Variants in CYRIB observed in about 807,000 individuals in gnomAD.
CYRIB encodes the protein CYFIP related Rac1 interactor B.
CYRIB carries 8 observed loss-of-function variants against 44.2 expected under a neutral mutation model. That is an observed-to-expected ratio of 0.18 (90% CI 0.11 to 0.33). The LOEUF (loss-of-function observed/expected upper bound fraction) is 0.33. Ranked by LOEUF, CYRIB falls within the 10% of genes least tolerant of loss-of-function variation. The pLI, the probability that CYRIB is intolerant of heterozygous loss-of-function variation, is 1.00. For missense variants in CYRIB, 185 were observed against 382.8 expected (o/e 0.48, Z 4.31); for synonymous variants, 131 against 127.2 (o/e 1.03, Z -0.20).
chr8:129,950,211 G>C (rs1316685217), intron 2 of CYRIB, among the ~76,000 whole-genome samples: 1 of 152,152 alleles, frequency 6.6e-6, no homozygotes, highest in Non-Finnish European at 1.5e-5. Flanking sequence ...TATGATAGAA[G>C]CTGACAGTCA....
At position 129,985,342 on chromosome 8, in the gene CYRIB, C is replaced by G. The variant is rs184952639; in HGVS notation, c.-295-14347G>C. ...GCCGGTCTTTCTCACGGCCTCTCCA[C>G]GCTCCATCCTGGCCCGGGAAAGCTC... On this transcript the variant is annotated intron_variant, in intron 1 of 14. Transcript: ENST00000401979. Among the ~76,000 whole-genome samples the G allele has an allele frequency of 4.6e-3, 697 of 152,266 alleles. 5 individuals are homozygous for G. Among genetic ancestry groups the G allele is most frequent in the African/African-American group, 0.016 (672 of 41,540 alleles).
At chr8:129,972,958 C>G (rs189767278) in intron 1 of CYRIB, among the ~76,000 whole-genome samples, 1 of 152,222 alleles carries the variant, frequency 6.6e-6, no homozygotes, top group African/African-American at 2.4e-5. Flanking sequence ...CTCATCCCTT[C>G]TCAGTCTTTC....
chr8:129,876,551 T>C (rs1012013285), intron 3 of CYRIB, among the ~76,000 whole-genome samples: 1 of 152,130 alleles, frequency 6.6e-6, no homozygotes, highest in Non-Finnish European at 1.5e-5. Flanking sequence ...ACAGGGGTCA[T>C]GAGAGGAGTA....
At chr8:129,891,267 G>A (rs1472305541) in intron 2 of CYRIB, among the ~76,000 whole-genome samples, 1 of 152,160 alleles carries the variant, frequency 6.6e-6, no homozygotes. Flanking sequence ...ATCTCTTTTG[G>A]CTCAGGTTTC....
chr8:129,877,973 T>G (rs969281497), intron 3 of CYRIB, among the ~76,000 whole-genome samples: 4 of 152,148 alleles, frequency 2.6e-5, no homozygotes, highest in Non-Finnish European at 4.4e-5. Flanking sequence ...ACAGCTCTAA[T>G]GTAAGTTGCC....
chr8:130,004,649 T>C (rs987783112), intron 1 of CYRIB: 15 of 152,024 alleles, frequency 9.9e-5, no homozygotes, highest in African/African-American at 3.6e-4. Context: ...TCGTATATTG[T>C]CTACTGCAGT....
At chr8:130,010,818 T>C (rs1405629641) in intron 1 of CYRIB, among the ~76,000 whole-genome samples, 3 of 152,126 alleles carry the variant, frequency 2.0e-5, no homozygotes, top group African/African-American at 4.8e-5. Context: ...GAGGGTCAGG[T>C]TGGATGATCT....
At chr8:129,841,354 C>A (rs529187603) in exon 12 of CYRIB, 1 of 152,060 alleles carries the variant, frequency 6.6e-6, no homozygotes, top group East Asian at 1.9e-4. Flanking sequence ...ATGAAAAGAC[C>A]CGGCTCTCCC....
At chr8:129,866,319 G>C (rs879929971) in intron 4 of CYRIB, among the ~76,000 whole-genome samples, 1 of 152,146 alleles carries the variant, frequency 6.6e-6, no homozygotes, top group Non-Finnish European at 1.5e-5. Flanking sequence ...TGCAGAAAAG[G>C]AATTGCACAA....
intron 1 of CYRIB, among the ~76,000 whole-genome samples, chr8:129,934,133 T>G (rs2092341126): frequency 6.6e-6 from 1 of 152,044 alleles, no homozygotes; most frequent in Non-Finnish European, 1.5e-5. Context: ...CCCCTTGGGG[T>G]TTTGAACGCT....
chr8:129,959,814 C>T (rs2095131007), intron 2 of CYRIB, among the ~76,000 whole-genome samples: 1 of 152,164 alleles, frequency 6.6e-6, no homozygotes, highest in Non-Finnish European at 1.5e-5. Flanking sequence ...TTTCCCACCA[C>T]AATTAATTGA....
chr8:129,943,109 T>A (rs1590763713), upstream of CYRIB, among the ~76,000 whole-genome samples: 2 of 65,180 alleles, frequency 3.1e-5, no homozygotes, highest in African/African-American at 2.7e-4. Context: ...CACTGTGTCC[T>A]AGGCATCAGG....
At position 129,913,174 on chromosome 8, in the gene CYRIB, T is replaced by C. The variant is rs1051283505; in HGVS notation, c.-49-9824A>G. On this transcript the variant is annotated intron_variant, in intron 1 of 11. Transcript: ENST00000519824. ...TTTTAGTAGAGACAGGGTTTCACCG[T>C]GTTAGCCAGGATGGTCTTGAACTTC... Among the ~76,000 whole-genome samples the C allele has an allele frequency of 2.6e-5, 4 of 152,074 alleles. No individual in the cohort carries two copies. In the South Asian group the frequency reaches 8.3e-4, roughly 32 times the overall value.
intron 11 of CYRIB, among the ~76,000 whole-genome samples, chr8:129,842,858 A>T (rs1223423724): frequency 6.6e-6 from 1 of 152,114 alleles, no homozygotes; most frequent in Non-Finnish European, 1.5e-5. Context: ...AAGTGTTTCA[A>T]CCCCTTTTCT....
intron 1 of CYRIB, among the ~76,000 whole-genome samples, chr8:129,918,384 T>C (rs2081839078): frequency 6.6e-6 from 1 of 152,208 alleles, no homozygotes; most frequent in African/African-American, 2.4e-5. Context: ...CTAGAATGCT[T>C]TTTACGTTTT....
chr8:129,848,750 T>G (rs2041737383), intron 10 of CYRIB, among the ~76,000 whole-genome samples: 1 of 151,708 alleles, frequency 6.6e-6, no homozygotes, highest in Admixed American at 6.6e-5. Context: ...TTTTTTTTTT[T>G]TGTAGAAATG....
At position 129,986,960 on chromosome 8, in the gene CYRIB, G is replaced by A. The variant is rs538803230; in HGVS notation, c.-295-15965C>T. Among the ~76,000 whole-genome samples, 5 of 152,258 alleles carry A rather than the reference G, an allele frequency of 3.3e-5. No homozygotes were observed. In the East Asian group the frequency reaches 5.8e-4, roughly 18 times the overall value. On this transcript the variant is annotated intron_variant, in intron 1 of 14. Transcript: ENST00000401979. ...ACCTAGAGGAGGACAGTCAAAGCAC[G>A]GAACCTCCAGAACCAATAGACGGCT...
At chr8:129,878,596 T>C (rs1377476228) in intron 3 of CYRIB, among the ~76,000 whole-genome samples, 1 of 152,132 alleles carries the variant, frequency 6.6e-6, no homozygotes, top group Non-Finnish European at 1.5e-5. Context: ...ATAGCATCAT[T>C]CACACTAAAA....
chr8:129,926,024 G>A (rs564953214), intron 1 of CYRIB, among the ~76,000 whole-genome samples: 2 of 152,018 alleles, frequency 1.3e-5, no homozygotes, highest in Non-Finnish European at 2.9e-5. Context: ...TAGAAGTCAC[G>A]ATCCATTTTC....
Sources: allele counts gnomAD v4.1 joint callset (sites outside exome capture counted in the v4.1 genomes callset), GRCh38; gene constraint gnomAD v4.1.1; transcripts MANE v1.5; gene names NCBI Gene and HGNC (gene_info 2026-07-23, HGNC 2026-07-21).